PDE3B: variants seen among roughly 807,000 people sequenced by gnomAD.
PDE3B encodes the protein cGMP-inhibited 3',5'-cyclic phosphodiesterase 3B.
PDE3B carries 66 observed loss-of-function variants against 116.8 expected under a neutral mutation model. That is an observed-to-expected ratio of 0.56 (90% confidence interval 0.46 to 0.69). The LOEUF is 0.69. Ranked by LOEUF, PDE3B falls within the 30% of genes least tolerant of loss-of-function variation. The pLI is 0.00. For synonymous variants in PDE3B, 595 were observed against 533.6 expected (o/e 1.12, Z -1.59); for missense variants, 1,384 against 1,368.1 (o/e 1.01, Z -0.18).
At chr11:14,779,195 G>A (rs939931471) in intron 2 of PDE3B, among the ~76,000 whole-genome samples, 4 of 152,214 alleles carry the variant, frequency 2.6e-5, no homozygotes, top group Non-Finnish European at 5.9e-5. Flanking sequence ...CGTCTGATGG[G>A]TGTACCTGAA....
chr11:14,731,922 ATAAG>A (rs1856469050), intron 1 of PDE3B, among the ~76,000 whole-genome samples: 1 of 152,142 alleles, frequency 6.6e-6, no homozygotes, highest in Non-Finnish European at 1.5e-5. Context: ...TCACCTTTTG[ATAAG>A]TAAGTGCTGT....
intron 1 of PDE3B, among the ~76,000 whole-genome samples, chr11:14,669,193 G>GT (rs1854287028): frequency 6.6e-6 from 1 of 152,160 alleles, no homozygotes; most frequent in Non-Finnish European, 1.5e-5. Context: ...GAAAGAAGCC[G>GT]TGGCTCTGGT....
At chr11:14,689,260 A>C (rs772216846) in intron 1 of PDE3B, among the ~76,000 whole-genome samples, 1 of 152,188 alleles carries the variant, frequency 6.6e-6, no homozygotes, top group Non-Finnish European at 1.5e-5. Flanking sequence ...TATTATGGGA[A>C]TTTGTCTGTT....
intron 1 of PDE3B, among the ~76,000 whole-genome samples, chr11:14,723,019 T>A (rs1038829781): frequency 2.6e-5 from 4 of 152,236 alleles, no homozygotes; most frequent in Admixed American, 6.5e-5. Flanking sequence ...AATTAAGTAT[T>A]TTCACTAGCC....
intron 12 of PDE3B, among the ~76,000 whole-genome samples, chr11:14,844,931 G>C (rs1294886650): frequency 6.6e-6 from 1 of 152,232 alleles, no homozygotes; most frequent in Non-Finnish European, 1.5e-5. Flanking sequence ...CAAAAAGACA[G>C]CAGTAACCTC....
intron 12 of PDE3B, among the ~76,000 whole-genome samples, chr11:14,855,987 T>C (rs1847842168): frequency 1.3e-5 from 2 of 152,356 alleles, no homozygotes; most frequent in Admixed American, 6.5e-5. Context: ...ATTTTTGAAC[T>C]GATACGGTTT....
chr11:14,673,583 C>A, intron 1 of PDE3B: 1 of 571,446 alleles, frequency 1.7e-6, no homozygotes, highest in Non-Finnish European at 3.4e-6. Flanking sequence ...GAGCGCCTCT[C>A]ACATGGCTCT....
At chr11:14,669,931 CAA>C (rs1854315530) in intron 1 of PDE3B, among the ~76,000 whole-genome samples, 1 of 152,062 alleles carries the variant, frequency 6.6e-6, no homozygotes, top group African/African-American at 2.4e-5. Flanking sequence ...TATTTGTAGA[CAA>C]ATGTTAATCT....
chr11:14,715,649 G>C (rs1373986080), intron 1 of PDE3B, among the ~76,000 whole-genome samples: 2 of 152,208 alleles, frequency 1.3e-5, no homozygotes, highest in Non-Finnish European at 2.9e-5. Flanking sequence ...ATCAGCTTAA[G>C]ATTTTGGGCT....
chr11:14,795,263 G>A (rs1290150012), intron 4 of PDE3B, among the ~76,000 whole-genome samples: 1 of 152,160 alleles, frequency 6.6e-6, no homozygotes, highest in African/African-American at 2.4e-5. Flanking sequence ...CAACTCATTA[G>A]CATACAAAAA....
chr11:14,713,424 A>T (rs1329394860), intron 1 of PDE3B, among the ~76,000 whole-genome samples: 1 of 152,210 alleles, frequency 6.6e-6, no homozygotes, highest in Non-Finnish European at 1.5e-5. Context: ...TCTCCCACAT[A>T]TAAGAGAGAA....
intron 1 of PDE3B, among the ~76,000 whole-genome samples, chr11:14,758,316 AG>A (rs2133883920): frequency 7.1e-6 from 1 of 141,518 alleles, no homozygotes; most frequent in Admixed American, 7.2e-5. Context: ...TGAACTTTAA[AG>A]TAGTTTTTTC....
intron 12 of PDE3B, among the ~76,000 whole-genome samples, chr11:14,848,180 C>G (rs1847654621): frequency 1.4e-5 from 2 of 138,156 alleles, no homozygotes; most frequent in Non-Finnish European, 3.1e-5. Flanking sequence ...AAGGCTGGTT[C>G]AATATATGCA....
At chr11:14,895,738 A>G in the PDE3B span, among the ~76,000 whole-genome samples, 3 of 152,236 alleles carry the variant, frequency 2.0e-5, no homozygotes, top group African/African-American at 4.8e-5. Flanking sequence ...AGTCTTTACA[A>G]ATTAAATGAT....
rs1316250422 is a variant in PDE3B, at chr11:14,771,860, G to A, written c.979-77G>A. ...TGAGCTATATTAGATAATTATAATT[G>A]AAAATGCTGAATTTTGTCTTTACAT... On this transcript the variant is annotated intron_variant, in intron 1 of 15. Transcript: ENST00000282096. 3 of 557,672 alleles carry A rather than the reference G, an allele frequency of 5.4e-6. No homozygotes were observed. In the African/African-American group the frequency reaches 5.9e-5, roughly 11 times the overall value. The allele number at this position is 557,672 out of a possible 1,614,324, so 34.5% of individuals were successfully genotyped here.
chr11:14,710,303 G>A (rs1855666093), intron 1 of PDE3B, among the ~76,000 whole-genome samples: 1 of 152,032 alleles, frequency 6.6e-6, no homozygotes, highest in African/African-American at 2.4e-5. Context: ...TTATTTTTTT[G>A]ATTGATTGTG....
intron 5 of PDE3B, among the ~76,000 whole-genome samples, chr11:14,812,887 G>C (rs1329869923): frequency 6.6e-6 from 1 of 152,174 alleles, no homozygotes; most frequent in Non-Finnish European, 1.5e-5. Context: ...GGTATTTGGA[G>C]CTGGGGCCTT....
At chr11:14,799,754 T>G (rs919587400) in intron 4 of PDE3B, among the ~76,000 whole-genome samples, 2 of 114,972 alleles carry the variant, frequency 1.7e-5, no homozygotes, top group Non-Finnish European at 3.5e-5. Flanking sequence ...CTGCAACTCC[T>G]GCCTTTTTTT....
At chr11:14,814,089 G>T (rs747425558) in intron 5 of PDE3B, among the ~76,000 whole-genome samples, 1 of 152,056 alleles carries the variant, frequency 6.6e-6, no homozygotes, top group Non-Finnish European at 1.5e-5. Flanking sequence ...AAAATTATAA[G>T]CAAATTGGGA....
Sources: allele counts gnomAD v4.1 joint callset (sites outside exome capture counted in the v4.1 genomes callset), GRCh38; gene constraint gnomAD v4.1.1; transcripts MANE v1.5; gene names NCBI Gene and HGNC (gene_info 2026-07-23, HGNC 2026-07-21).